TMEM242: variants seen among roughly 807,000 people sequenced by gnomAD.
TMEM242 encodes the protein UPF0463 transmembrane protein C6orf35.
In TMEM242, 10 loss-of-function variants were observed where a neutral mutation model predicts 18.2. That is an observed-to-expected ratio of 0.55 (90% CI 0.34 to 0.93). The LOEUF is 0.93. Ranked by LOEUF, TMEM242 falls within the 40% of genes least tolerant of loss-of-function variation. The probability of loss-of-function intolerance (pLI) is 0.02; values close to 1 mark genes in which losing one functional copy is unlikely to be tolerated. For missense variants in TMEM242, 186 were observed against 175.5 expected, an observed-to-expected ratio of 1.06 and a Z score of -0.34; for synonymous variants, 57 against 69.9, an observed-to-expected ratio of 0.81 and a Z score of 0.92.
At chr6:157,308,255 C>T (rs1454696893) in intron 3 of TMEM242, among the ~76,000 whole-genome samples, 1 of 152,160 alleles carries the variant, frequency 6.6e-6, no homozygotes, top group Non-Finnish European at 1.5e-5. Context: ...AATAAACGTA[C>T]TGATAAGAGA....
chr6:157,323,053 G>A (rs1778520575), intron 1 of TMEM242, among the ~76,000 whole-genome samples: 1 of 152,158 alleles, frequency 6.6e-6, no homozygotes, highest in African/African-American at 2.4e-5. Flanking sequence ...CAGAGAAAAG[G>A]TTCAGCTTCC....
rs1248915728 is a variant in TMEM242, at chr6:157,290,627, T to C, written c.*2274A>G. The C allele has an allele frequency of 6.6e-6, 1 of 152,232 alleles. No homozygotes were observed. The highest frequency in any genetic ancestry group is 6.5e-5 in the Admixed American group (1 of 15,280). 9.4% of individuals were successfully genotyped at this position (152,232 alleles called of 1,614,324 possible). On this transcript the variant is annotated 3_prime_UTR_variant, in exon 4 of 4. Transcript: ENST00000400788. ...AACCAATTTAACAATATGCCTCTGGTACAAAAGGAATAGACAAATGACGAA... is the reference window on the plus strand; with the variant it reads ...AACCAATTTAACAATATGCCTCTGGCACAAAAGGAATAGACAAATGACGAA...
chr6:157,313,515 G>A (rs1554249803), intron 3 of TMEM242, among the ~76,000 whole-genome samples: 2 of 145,446 alleles, frequency 1.4e-5, no homozygotes, highest in African/African-American at 5.1e-5. Context: ...TAGTACCCCA[G>A]TGTGCAGTCA....
chr6:157,311,081 C>G lies in TMEM242; in HGVS notation c.327+7701G>C, dbSNP rs1246074739. 3.1e-5 allele frequency among the ~76,000 whole-genome samples: 4 copies of G among 130,488 alleles called. 1 individual carries two copies. The highest frequency in any genetic ancestry group is 6.5e-5 in the Non-Finnish European group (4 of 61,674). The allele number at this position is 130,488 out of a possible 152,430, so 85.6% of individuals were successfully genotyped here. A position where few individuals can be genotyped will look rare whatever the true frequency, so the allele number is the denominator to read the frequency against. On this transcript the variant is annotated intron_variant, in intron 3 of 3. Transcript: ENST00000400788. ...CCCCATCATAGTGCCCCAGTGTGCT[C>G]ACACCTAGCCACATCATAGTGTCCC... is the stretch of plus-strand genomic sequence containing the variant.
At chr6:157,319,660 C>A (rs1441054204) in intron 2 of TMEM242, among the ~76,000 whole-genome samples, 1 of 152,158 alleles carries the variant, frequency 6.6e-6, no homozygotes, top group Admixed American at 6.5e-5. Flanking sequence ...TAACTATCAT[C>A]CCAAAATAAA....
chr6:157,304,043 A>C (rs1777868646), intron 3 of TMEM242, among the ~76,000 whole-genome samples: 1 of 152,206 alleles, frequency 6.6e-6, no homozygotes, highest in South Asian at 2.1e-4. Context: ...AAATAACCCC[A>C]ATCACATTTT....
At chr6:157,322,589 T>C (rs1554250797) in intron 2 of TMEM242, 116 bp downstream of exon 2, 2 of 801,150 alleles carry the variant, frequency 2.5e-6, no homozygotes, top group Non-Finnish European at 3.9e-6. Flanking sequence ...TGAGCGTATA[T>C]AAATTCACAT....
chr6:157,323,450 G>C lies in TMEM242; in HGVS notation c.50C>G (p.Ala17Gly). Residue 17 changes from alanine (A) to glycine (G), a missense_variant, in exon 1 of 4, where the codon GCT (alanine) becomes GGT (glycine). By Grantham distance (60) the Ala-to-Gly change is moderately conservative (BLOSUM62 0). Coordinates refer to ENST00000400788, the MANE Select transcript of TMEM242 (RefSeq NM_018452.6). ...ATGQPASGLEAPGSTNDRLFL... is the reference protein window; with the variant it reads ...ATGQPASGLEGPGSTNDRLFL... ...AAGCCGGTCATTCGTGGACCCCGGAGCCTCCAGCCCAGAGGCCGGCTGCCC... is the reference window on the plus strand; with the variant it reads ...AAGCCGGTCATTCGTGGACCCCGGACCCTCCAGCCCAGAGGCCGGCTGCCC... 1 of 1,614,132 alleles carries C rather than the reference G, an allele frequency of 6.2e-7. No homozygotes were observed. Among genetic ancestry groups the C allele is most frequent in the Non-Finnish European group, 8.5e-7 (1 of 1,179,988 alleles).
chr6:157,322,588 A>G (rs2128418197), intron 2 of TMEM242, 117 bp downstream of exon 2: 1 of 788,478 alleles, frequency 1.3e-6, no homozygotes, highest in Non-Finnish European at 2.0e-6. Flanking sequence ...ATGAGCGTAT[A>G]TAAATTCACA....
At chr6:157,316,914 C>T (rs1049010896) in intron 3 of TMEM242, among the ~76,000 whole-genome samples, 1 of 152,042 alleles carries the variant, frequency 6.6e-6, no homozygotes, top group East Asian at 1.9e-4. Flanking sequence ...AAAGGTTAGA[C>T]TAGGAGAAAA....
chr6:157,289,364 A>G lies in TMEM242; in HGVS notation c.*3537T>C, dbSNP rs964861965. ...TCGCAGCCTTGGGCAATTAATCCTG[A>G]TAACACCAAGAGAGACCCAAATACT... On this transcript the variant is annotated 3_prime_UTR_variant, in exon 4 of 4. Transcript: ENST00000400788. 1 of 152,228 alleles carries G rather than the reference A, an allele frequency of 6.6e-6. No individual in the cohort carries two copies. Among genetic ancestry groups the G allele is most frequent in the Admixed American group, 6.5e-5 (1 of 15,282 alleles). 9.4% of individuals were successfully genotyped at this position (152,228 alleles called of 1,614,324 possible). A position where few individuals can be genotyped will look rare whatever the true frequency, so the allele number is the denominator to read the frequency against.
chr6:157,299,486 C>A (rs1419724266), intron 3 of TMEM242: 1 of 1,419,040 alleles, frequency 7.0e-7, no homozygotes, highest in Admixed American at 1.7e-5. Context: ...AAGCTTTTGT[C>A]CAAACAAGAA....
At chr6:157,312,722 C>CA (rs1778212393) in intron 3 of TMEM242, among the ~76,000 whole-genome samples, 235 of 130,310 alleles carry the variant, frequency 1.8e-3, no homozygotes, top group African/African-American at 2.4e-3. Context: ...CTGGCCTCAT[C>CA]TTACTGTCCC....
chr6:157,302,668 T>C (rs181327023), intron 3 of TMEM242, among the ~76,000 whole-genome samples: 24 of 152,302 alleles, frequency 1.6e-4, no homozygotes, highest in African/African-American at 5.5e-4. Context: ...CTCCAGAGCA[T>C]ATTTAGGTCT....
rs1161960570 is a variant in TMEM242, at chr6:157,291,078, TTACAAG to T, written c.*1817_*1822del. On this transcript the variant is annotated 3_prime_UTR_variant, in exon 4 of 4. Coordinates refer to ENST00000400788, the MANE Select transcript of TMEM242 (RefSeq NM_018452.6). ...CCTCTGCAGCGGTGCTGACACCAGT[TTACAAG>T]GCCCTGAGAGGGGTCCCTGCCCTTC... is the stretch of plus-strand genomic sequence containing the variant. 1 of 152,228 alleles carries T rather than the reference TTACAAG, an allele frequency of 6.6e-6. No homozygotes were observed. Among genetic ancestry groups the T allele is most frequent in the Non-Finnish European group, 1.5e-5 (1 of 68,050 alleles). 9.4% of individuals were successfully genotyped at this position (152,228 alleles called of 1,614,324 possible). A position where few individuals can be genotyped will look rare whatever the true frequency, so the allele number is the denominator to read the frequency against.
chr6:157,313,078 G>C (rs1296869484), intron 3 of TMEM242, among the ~76,000 whole-genome samples: 69 of 69,456 alleles, frequency 9.9e-4, no homozygotes, highest in African/African-American at 3.2e-3. Context: ...GTCCCAGTAT[G>C]CACTCACCTG....
Position 157,309,564 on chromosome 6 carries a change from A to T in TMEM242, c.327+9218T>A, listed in dbSNP as rs929852374. 2.2e-4 allele frequency among the ~76,000 whole-genome samples: 34 copies of T among 152,002 alleles called. 1 individual carries two copies. The highest frequency in any genetic ancestry group is 6.5e-4 in the African/African-American group (27 of 41,462). On this transcript the variant is annotated intron_variant, in intron 3 of 3. Transcript: ENST00000400788. Reference sequence around the variant, plus strand: ...CCACCATGCCTGGCTAATTTTTAAAATTTTTTTGTAAAAACAAGGTCTCGC... The same window carrying T: ...CCACCATGCCTGGCTAATTTTTAAATTTTTTTTGTAAAAACAAGGTCTCGC...
At chr6:157,294,024 G>A (rs140124768) in intron 3 of TMEM242, among the ~76,000 whole-genome samples, 1,865 of 152,056 alleles carry the variant, frequency 0.012, 14 homozygotes, top group Non-Finnish European at 0.017. Context: ...CCCAGCCTAA[G>A]AGATCTTAAC....
chr6:157,303,518 T>G (rs928078029), intron 3 of TMEM242, among the ~76,000 whole-genome samples: 6 of 152,238 alleles, frequency 3.9e-5, no homozygotes, highest in Non-Finnish European at 8.8e-5. Context: ...ATTACAGTGT[T>G]AGAAATGCAG....
Sources: allele counts gnomAD v4.1 joint callset (sites outside exome capture counted in the v4.1 genomes callset), GRCh38; gene constraint gnomAD v4.1.1; transcripts MANE v1.5; gene names NCBI Gene and HGNC (gene_info 2026-07-23, HGNC 2026-07-21).